LRP1B: variants seen among roughly 807,000 people sequenced by gnomAD.
The protein encoded by LRP1B is LDL receptor related protein 1B, also known as low-density lipoprotein receptor-related protein 1B.
In LRP1B, 217 loss-of-function variants were observed where a neutral mutation model predicts 556.6. The observed-to-expected ratio is 0.39, with a 90% confidence interval of 0.35 to 0.44. LRP1B has a LOEUF of 0.44. LRP1B is among the 20% of genes least tolerant of loss of function. The pLI, the probability that LRP1B is intolerant of heterozygous loss-of-function variation, is 1.00. For synonymous variants in LRP1B, 2,047 were observed against 1,865.8 expected (o/e 1.10, Z -2.50); for missense variants, 5,053 against 5,620.8 (o/e 0.90, Z 3.23).
In LRP1B at chr2:140,974,758, A is replaced by T. The variant is rs1438739152; in HGVS notation, c.2887+7402T>A. Among the ~76,000 whole-genome samples the T allele has an allele frequency of 2.0e-5, 3 of 152,332 alleles. No homozygotes were observed. In the East Asian group the frequency reaches 5.8e-4, roughly 29 times the overall value. On this transcript the variant is annotated intron_variant, in intron 18 of 90. Transcript: ENST00000389484. ...GAGACACCAAGTATCCCCACGTTCT[A>T]CAGAGAGAAACCGATATTTGGAACC...
intron 2 of LRP1B, among the ~76,000 whole-genome samples, chr2:141,659,131 C>A (rs935062668): frequency 9.2e-5 from 14 of 152,060 alleles, no homozygotes; most frequent in Non-Finnish European, 2.9e-5. Flanking sequence ...CTCGAACTTC[C>A]GAGCTCAAAC....
chr2:140,843,811 C>T (rs1031463430), intron 29 of LRP1B, among the ~76,000 whole-genome samples: 3 of 152,140 alleles, frequency 2.0e-5, no homozygotes, highest in African/African-American at 7.2e-5. Flanking sequence ...CTAATGTAGT[C>T]ATTACTTTGC....
intron 2 of LRP1B, among the ~76,000 whole-genome samples, chr2:141,722,877 G>T (rs1692886046): frequency 6.6e-6 from 1 of 152,144 alleles, no homozygotes; most frequent in Admixed American, 6.5e-5. Flanking sequence ...ATTCATCCAA[G>T]TAAGCGTATG....
At chr2:142,078,126 C>T (rs910059544) in intron 1 of LRP1B, among the ~76,000 whole-genome samples, 1 of 152,066 alleles carries the variant, frequency 6.6e-6, no homozygotes, top group Non-Finnish European at 1.5e-5. Flanking sequence ...TTATCTGCCA[C>T]ACGATATGCA....
intron 41 of LRP1B, among the ~76,000 whole-genome samples, chr2:140,640,127 C>T (rs1471961698): frequency 3.3e-5 from 5 of 151,578 alleles, no homozygotes; most frequent in African/African-American, 1.2e-4. Context: ...CTCAGCCTCC[C>T]GAGTAGCTGG....
intron 3 of LRP1B, among the ~76,000 whole-genome samples, chr2:141,364,978 C>T (rs576002503): frequency 9.9e-5 from 15 of 152,252 alleles, no homozygotes; most frequent in Non-Finnish European, 1.9e-4. Flanking sequence ...TATTCTAAAG[C>T]TCAGCTTAGA....
intron 3 of LRP1B, among the ~76,000 whole-genome samples, chr2:141,276,633 T>C (rs1477119846): frequency 6.9e-6 from 1 of 144,128 alleles, no homozygotes; most frequent in African/African-American, 2.5e-5. Flanking sequence ...AATCTCATTC[T>C]ATTTTTTTCT....
At chr2:140,287,669 G>A (rs953447554) in intron 84 of LRP1B, among the ~76,000 whole-genome samples, 1 of 147,766 alleles carries the variant, frequency 6.8e-6, no homozygotes, top group Non-Finnish European at 1.5e-5. Context: ...AAATCCAAAT[G>A]TAGTCACTTG....
At chr2:141,380,786 A>T (rs1184643614) in intron 3 of LRP1B, among the ~76,000 whole-genome samples, 1 of 152,072 alleles carries the variant, frequency 6.6e-6, no homozygotes, top group East Asian at 1.9e-4. Flanking sequence ...TACTCAATGG[A>T]CTGGTTTCTC....
Position 141,584,252 on chromosome 2 carries a change from A to G in LRP1B, c.206-103719T>C, listed in dbSNP as rs534830712. Among the ~76,000 whole-genome samples the G allele has an allele frequency of 3.6e-5, 5 of 140,620 alleles. No individual in the cohort carries two copies. In the East Asian group the frequency reaches 7.9e-4, roughly 22 times the overall value. The allele number at this position is 140,620 out of a possible 152,430, so 92.3% of individuals were successfully genotyped here. On this transcript the variant is annotated intron_variant, in intron 2 of 90. Coordinates refer to ENST00000389484, the MANE Select transcript of LRP1B (RefSeq NM_018557.3). ...AGAGTGAGACCTTGTCTCAAAAAAG[A>G]AAAAAAAAAAGAAGATAATTTTTTC...
intron 7 of LRP1B, among the ~76,000 whole-genome samples, chr2:141,094,763 G>T (rs116820929): frequency 6.6e-6 from 1 of 152,130 alleles, no homozygotes. Context: ...CTGTTGTCTA[G>T]AAACTCAAGG....
intron 32 of LRP1B, among the ~76,000 whole-genome samples, chr2:140,786,164 A>G (rs1689892275): frequency 6.6e-6 from 1 of 152,198 alleles, no homozygotes; most frequent in Non-Finnish European, 1.5e-5. Flanking sequence ...ATGCCTGCTT[A>G]ATTTTCCATC....
At chr2:141,636,438 G>T (rs1199606264) in intron 2 of LRP1B, among the ~76,000 whole-genome samples, 1 of 152,112 alleles carries the variant, frequency 6.6e-6, no homozygotes, top group Non-Finnish European at 1.5e-5. Flanking sequence ...CATTCACAAG[G>T]TTGGAAAAAT....
intron 17 of LRP1B, among the ~76,000 whole-genome samples, chr2:140,986,611 C>G (rs555080914): frequency 1.4e-5 from 1 of 70,262 alleles, no homozygotes; most frequent in East Asian, 1.1e-3. Flanking sequence ...GACAGTGCTT[C>G]CTTTAAGAAG....
At chr2:141,632,301 G>A (rs1334301569) in intron 2 of LRP1B, among the ~76,000 whole-genome samples, 1 of 151,954 alleles carries the variant, frequency 6.6e-6, no homozygotes, top group African/African-American at 2.4e-5. Context: ...CTTAATATTA[G>A]CAAATTGATA....
chr2:140,675,706 G>A, intron 41 of LRP1B, among the ~76,000 whole-genome samples: 1 of 152,176 alleles, frequency 6.6e-6, no homozygotes, highest in East Asian at 1.9e-4. Context: ...TAGCCCAGGA[G>A]TTTGAGGTTG....
intron 3 of LRP1B, among the ~76,000 whole-genome samples, chr2:141,353,561 T>C (rs1688519657): frequency 6.6e-6 from 1 of 152,140 alleles, no homozygotes; most frequent in African/African-American, 2.4e-5. Context: ...TACGTTTTGA[T>C]CTATTATTTT....
rs562439503 is a variant in LRP1B at position 140,338,910 on chromosome 2, A to G, written c.11893-3072T>C. Among the ~76,000 whole-genome samples, 5 of 151,862 alleles carry G rather than the reference A, an allele frequency of 3.3e-5. No homozygotes were observed. The South Asian group carries it at 1.0e-3, about 31-fold the overall frequency. ...GCTAGCTCACTAGACAGGCACACCC[A>G]TGAAATAGAGACACTAATCAAATGT... On this transcript the variant is annotated intron_variant, in intron 77 of 90. Transcript: ENST00000389484.
At chr2:141,853,620 C>T (rs909237209) in intron 1 of LRP1B, among the ~76,000 whole-genome samples, 18 of 151,468 alleles carry the variant, frequency 1.2e-4, no homozygotes, top group Admixed American at 4.6e-4. Context: ...GGTGCCAATG[C>T]GGTTCATATT....
Sources: gnomAD v4.1 joint callset for allele counts (sites outside exome capture counted in the v4.1 genomes callset) on GRCh38, gnomAD v4.1.1 for gene constraint, MANE v1.5 for transcripts, NCBI Gene and HGNC (gene_info 2026-07-23, HGNC 2026-07-21) for gene names.